Variants in CABIN1 observed in about 807,000 individuals in gnomAD.
The protein encoded by CABIN1 is calcineurin binding protein 1.
A neutral mutation model predicts 227.7 loss-of-function variants in CABIN1; 133 were observed. The observed-to-expected ratio is 0.58, with a 90% CI of 0.51 to 0.67. The LOEUF is 0.67. CABIN1 is among the 30% of genes least tolerant of loss of function. CABIN1 has a pLI of 0.00. For missense variants in CABIN1, 2,408 were observed against 2,852.5 expected (o/e 0.84, Z 3.55); for synonymous variants, 1,086 against 1,155.1 (o/e 0.94, Z 1.21).
chr22:24,171,582 C>T, intron 33 of CABIN1, 131 bp from the exon 34 acceptor site: 1 of 1,011,882 alleles, frequency 9.9e-7, no homozygotes, highest in South Asian at 1.4e-5. Flanking sequence ...TCAGTGGTGC[C>T]ATATGGGCAG....
chr22:24,176,000 C>T, intron 34 of CABIN1, 111 bp from the exon 35 acceptor site: 1 of 1,281,666 alleles, frequency 7.8e-7, no homozygotes, highest in Non-Finnish European at 1.1e-6. Flanking sequence ...GGCCACACTC[C>T]CCTGCCCAGT....
chr22:24,056,862 C>T (rs1162520569), intron 10 of CABIN1, among the ~76,000 whole-genome samples: 1 of 151,958 alleles, frequency 6.6e-6, no homozygotes, highest in East Asian at 1.9e-4. Context: ...GCCTAGGGGA[C>T]AAGCAGGAAC....
chr22:24,061,610 C>A (rs1343470430), intron 12 of CABIN1, among the ~76,000 whole-genome samples: 5 of 152,232 alleles, frequency 3.3e-5, no homozygotes, highest in African/African-American at 7.2e-5. Context: ...GAATGGTATA[C>A]CAGCTGCCCA....
intron 29 of CABIN1, among the ~76,000 whole-genome samples, chr22:24,151,898 T>C (rs2045506541): frequency 6.6e-6 from 1 of 152,192 alleles, no homozygotes; most frequent in Non-Finnish European, 1.5e-5. Context: ...TGGCCCATCC[T>C]TCCTCCACTC....
intron 26 of CABIN1, chr22:24,102,538 T>C (rs1378377818): frequency 6.6e-6 from 1 of 152,234 alleles, no homozygotes; most frequent in African/African-American, 2.4e-5. Flanking sequence ...TGCAAATCAG[T>C]CAGTTACATA....
chr22:24,064,014 A>T (rs758804100), intron 14 of CABIN1, 21 bp from the exon 15 acceptor site: 2 of 1,613,914 alleles, frequency 1.2e-6, no homozygotes, highest in Admixed American at 1.7e-5. Flanking sequence ...TGGTTCCCTG[A>T]CCTGTTTTCC....
intron 29 of CABIN1, among the ~76,000 whole-genome samples, chr22:24,134,973 A>G (rs1231374029): frequency 1.3e-5 from 2 of 152,038 alleles, no homozygotes; most frequent in African/African-American, 4.8e-5. Flanking sequence ...GCTACTCAGG[A>G]AGCTGAGGCA....
chr22:24,080,149 A>T (rs1335168325), intron 19 of CABIN1, among the ~76,000 whole-genome samples: 1 of 152,192 alleles, frequency 6.6e-6, no homozygotes, highest in Non-Finnish European at 1.5e-5. Context: ...TTTACATTCC[A>T]CATGCATGGC....
chr22:24,086,229 G>A (rs1227570581), intron 22 of CABIN1, among the ~76,000 whole-genome samples: 1 of 152,196 alleles, frequency 6.6e-6, no homozygotes, highest in East Asian at 1.9e-4. Flanking sequence ...TGCTTACTGC[G>A]CCACAGTTCA....
intron 29 of CABIN1, among the ~76,000 whole-genome samples, chr22:24,135,291 G>A (rs1264210406): frequency 6.6e-6 from 1 of 151,912 alleles, no homozygotes; most frequent in African/African-American, 2.4e-5. Context: ...TCAGGAAGCT[G>A]AGGCAGGAGA....
At chr22:24,087,353 G>A in intron 22 of CABIN1, 99 bp from the exon 23 acceptor site, 1 of 1,511,122 alleles carries the variant, frequency 6.6e-7, no homozygotes, top group Admixed American at 1.8e-5. Context: ...TGGGAAGGGA[G>A]TTTCCATGGG....
intron 26 of CABIN1, among the ~76,000 whole-genome samples, chr22:24,105,989 C>T (rs1321165794): frequency 1.3e-5 from 2 of 152,204 alleles, no homozygotes; most frequent in African/African-American, 4.8e-5. Context: ...TCCCAAAGAT[C>T]CTGTGGAGGA....
At chr22:24,058,502 G>A (rs1164354438) in intron 10 of CABIN1, among the ~76,000 whole-genome samples, 1 of 152,310 alleles carries the variant, frequency 6.6e-6, no homozygotes, top group East Asian at 1.9e-4. Context: ...GTCCTTGGGA[G>A]GAGTGCCTGC....
At position 24,098,173 on chromosome 22, in the gene CABIN1, C is replaced by T. The variant is rs1453467986; in HGVS notation, c.4098C>T (p.His1366=). Residue 1366 remains histidine, a synonymous_variant, in exon 26 of 37, where the codon CAC becomes CAT. Transcript: ENST00000263119. The stretch of plus-strand genomic sequence containing the variant: ...ATTACGTCAAATGTAAAAAACCCCA[C>T]CAGCAGGCAACGCCGGACGGTACAG... ...DHDYVKCKKP[H]QQATPDDRSQ... 6.2e-7 allele frequency: 1 copy of T among 1,614,200 alleles called. No individual in the cohort carries two copies. The highest frequency in any genetic ancestry group is 8.5e-7 in the Non-Finnish European group (1 of 1,180,042).
intron 26 of CABIN1, among the ~76,000 whole-genome samples, chr22:24,112,900 C>A (rs1421371559): frequency 6.6e-6 from 1 of 152,172 alleles, no homozygotes; most frequent in East Asian, 1.9e-4. Context: ...GCATCAACTA[C>A]TCCTCCCCTC....
intron 14 of CABIN1, among the ~76,000 whole-genome samples, chr22:24,063,800 A>G (rs538491165): frequency 1.3e-5 from 2 of 152,370 alleles, no homozygotes; most frequent in South Asian, 2.1e-4. Context: ...TTCATCTGCA[A>G]CATGGGGTTT....
intron 18 of CABIN1, among the ~76,000 whole-genome samples, chr22:24,075,706 A>G (rs909776127): frequency 1.3e-5 from 2 of 152,168 alleles, no homozygotes; most frequent in African/African-American, 2.4e-5. Flanking sequence ...AATTGTGCCA[A>G]CTGTACTCCA....
chr22:24,140,703 GT>G (rs2044703171), intron 29 of CABIN1, among the ~76,000 whole-genome samples: 1 of 152,218 alleles, frequency 6.6e-6, no homozygotes, highest in African/African-American at 2.4e-5. Context: ...TTTCAACCCA[GT>G]TTCCAGCCTC....
In CABIN1 at chr22:24,087,780, G is replaced by A. The variant is rs141111642; in HGVS notation, c.3525+67G>A. The stretch of plus-strand genomic sequence containing the variant: ...CCAGACAGAGTGCCCTCAGGTCAAC[G>A]AAGCTCTGTCTCATTCGTACTTTAT... On this transcript the variant is annotated intron_variant, in intron 23 of 36. Transcript: ENST00000263119. 29 of 1,591,000 alleles carry A rather than the reference G, an allele frequency of 1.8e-5. No individual in the cohort carries two copies. In the East Asian group the frequency reaches 4.7e-4, roughly 26 times the overall value.
Sources: gnomAD v4.1 joint callset for allele counts (sites outside exome capture counted in the v4.1 genomes callset) on GRCh38, gnomAD v4.1.1 for gene constraint, MANE v1.5 for transcripts, NCBI Gene and HGNC (gene_info 2026-07-23, HGNC 2026-07-21) for gene names.